Variants in GPM6B observed in about 807,000 individuals in gnomAD.
GPM6B encodes the protein glycoprotein M6B.
Under a neutral mutation model 27.2 loss-of-function variants are expected in GPM6B, and 4 were observed. That is an observed-to-expected ratio of 0.15 (90% CI 0.07 to 0.34). The LOEUF (loss-of-function observed/expected upper bound fraction) is 0.34, where lower values mean the gene tolerates loss of function less well. Among genes scored for constraint, GPM6B ranks in the 10% least tolerant of loss-of-function variants. The probability of loss-of-function intolerance (pLI) is 1.00; values close to 1 mark genes in which losing one functional copy is unlikely to be tolerated. For missense variants in GPM6B, 183 were observed against 261.9 expected, an observed-to-expected ratio of 0.70 and a Z score of 2.08; for synonymous variants, 124 against 103.1, an observed-to-expected ratio of 1.20 and a Z score of -1.23.
chrX:13,839,382 G>T (rs72614522), intron 1 of GPM6B, among the ~76,000 whole-genome samples: 3,288 of 111,631 alleles, frequency 0.029, 60 homozygotes, highest in East Asian at 0.14. Context: ...TTAAAATCAA[G>T]CTATTACCCA....
intron 1 of GPM6B, among the ~76,000 whole-genome samples, chrX:13,900,685 T>A (rs1245061865): frequency 8.9e-6 from 1 of 112,245 alleles, no homozygotes; most frequent in African/African-American, 3.2e-5. Flanking sequence ...ACAGGAGAAC[T>A]ATCTGCCTGC....
At chrX:13,917,043 C>G (rs903939715) in intron 1 of GPM6B, among the ~76,000 whole-genome samples, 5 of 110,620 alleles carry the variant, frequency 4.5e-5, no homozygotes, top group African/African-American at 1.6e-4. Context: ...AAAACCCCAT[C>G]TCTACAAAAA....
chrX:13,814,276 G>A (rs965203974), intron 1 of GPM6B, among the ~76,000 whole-genome samples: 1 of 111,956 alleles, frequency 8.9e-6, no homozygotes, highest in Non-Finnish European at 1.9e-5. Context: ...ATTAGCCATT[G>A]GGCAATAATG....
At chrX:13,848,480 A>C (rs958347781) in intron 1 of GPM6B, among the ~76,000 whole-genome samples, 2 of 112,338 alleles carry the variant, frequency 1.8e-5, no homozygotes, top group African/African-American at 6.5e-5. Flanking sequence ...GTCAGGGTGT[A>C]AGATAGCAGA....
intron 2 of GPM6B, among the ~76,000 whole-genome samples, chrX:13,792,399 G>T (rs185451362): frequency 1.5e-3 from 171 of 111,609 alleles, no homozygotes; most frequent in African/African-American, 5.3e-3. Context: ...TAGACCACTG[G>T]TTCCTAATCC....
intron 1 of GPM6B, among the ~76,000 whole-genome samples, chrX:13,907,028 T>C (rs925523546): frequency 1.2e-4 from 13 of 112,592 alleles, no homozygotes; most frequent in African/African-American, 4.2e-4. Flanking sequence ...AAATAGTCTC[T>C]ATGCTTTTTC....
rs180752248 is a variant in GPM6B, at chrX:13,875,939, T to C, written c.-198+62388A>G. Reference sequence around the variant, plus strand: ...ATGACAAAAATGTCCTAGAACTAGATAGTGATGTTTGTACAACATTGTGAA... The same window carrying C: ...ATGACAAAAATGTCCTAGAACTAGACAGTGATGTTTGTACAACATTGTGAA... On this transcript the variant is annotated intron_variant, in intron 1 of 6. Coordinates refer to the GPM6B transcript ENST00000398361. Among the ~76,000 whole-genome samples, 14 of 112,242 alleles carry C rather than the reference T, an allele frequency of 1.2e-4. 1 individual carries two copies. The East Asian group carries it at 3.6e-3, about 29-fold the overall frequency.
intron 1 of GPM6B, among the ~76,000 whole-genome samples, chrX:13,921,654 C>T (rs1038914406): frequency 1.9e-5 from 2 of 107,039 alleles, no homozygotes; most frequent in Non-Finnish European, 3.9e-5. Flanking sequence ...CAGCTCACTG[C>T]AACCTCCGCC....
intron 1 of GPM6B, among the ~76,000 whole-genome samples, chrX:13,870,578 A>T (rs2049964629): frequency 8.9e-6 from 1 of 111,918 alleles, no homozygotes; most frequent in African/African-American, 3.2e-5. Flanking sequence ...CATTCCAACA[A>T]GGTATGGACT....
intron 1 of GPM6B, among the ~76,000 whole-genome samples, chrX:13,880,014 G>A (rs767836825): frequency 2.7e-5 from 3 of 112,222 alleles, no homozygotes; most frequent in South Asian, 7.4e-4. Flanking sequence ...CCAGAGCATG[G>A]CCATTTGACT....
intron 1 of GPM6B, among the ~76,000 whole-genome samples, chrX:13,832,413 G>T (rs1466051708): frequency 8.9e-6 from 1 of 112,231 alleles, no homozygotes; most frequent in Non-Finnish European, 1.9e-5. Context: ...ACTTTCTGAT[G>T]TTAGCATTCT....
At chrX:13,773,300 CGA>C in intron 7 of GPM6B, 2 of 190,377 alleles carry the variant, frequency 1.1e-5, no homozygotes, top group Non-Finnish European at 1.8e-5. Flanking sequence ...AAATGAAATA[CGA>C]GAGGGTGCTT....
intron 1 of GPM6B, among the ~76,000 whole-genome samples, chrX:13,931,703 A>G (rs1352032455): frequency 9.0e-6 from 1 of 111,134 alleles, no homozygotes; most frequent in Non-Finnish European, 1.9e-5. Context: ...TTTTTGTAAG[A>G]TTCATTTATA....
chrX:13,834,218 C>T (rs2049472249), intron 1 of GPM6B, among the ~76,000 whole-genome samples: 1 of 112,595 alleles, frequency 8.9e-6, no homozygotes, highest in African/African-American at 3.2e-5. Flanking sequence ...CCCACCCAAA[C>T]ATGCTCTTTT....
At chrX:13,928,318 G>A (rs909984726) in intron 1 of GPM6B, among the ~76,000 whole-genome samples, 7 of 112,208 alleles carry the variant, frequency 6.2e-5, no homozygotes, top group South Asian at 7.5e-4. Flanking sequence ...CCCACTTTTC[G>A]TGTACACATA....
rs190840640 is a variant in GPM6B, at chrX:13,849,902, T to C, written c.-197-64094A>G. ...GGTGAAACCTCATCTTTACTAAAAA[T>C]ACAAAAATTAGCCAGGCATGGTGGC... On this transcript the variant is annotated intron_variant, in intron 1 of 6. Coordinates refer to the GPM6B transcript ENST00000398361. 1.7e-3 allele frequency among the ~76,000 whole-genome samples: 192 copies of C among 109,743 alleles called. 1 individual carries two copies. The highest frequency in any genetic ancestry group is 5.8e-3 in the African/African-American group (174 of 30,106).
At chrX:13,864,006 C>A (rs1031759680) in intron 1 of GPM6B, among the ~76,000 whole-genome samples, 2 of 112,017 alleles carry the variant, frequency 1.8e-5, no homozygotes, top group Non-Finnish European at 3.8e-5. Context: ...CAAATAATAG[C>A]AGGCCATGGT....
chrX:13,925,854 A>G (rs1357378570), intron 1 of GPM6B, among the ~76,000 whole-genome samples: 1 of 109,638 alleles, frequency 9.1e-6, no homozygotes, highest in Admixed American at 9.8e-5. Flanking sequence ...GGAGATCGAG[A>G]CCATCCTGGC....
At chrX:13,932,008 A>G (rs1921591393) in intron 1 of GPM6B, among the ~76,000 whole-genome samples, 1 of 112,508 alleles carries the variant, frequency 8.9e-6, no homozygotes, top group Non-Finnish European at 1.9e-5. Context: ...TTATAGTTAG[A>G]CACAAACGAT....
Sources: allele counts gnomAD v4.1 joint callset (sites outside exome capture counted in the v4.1 genomes callset), GRCh38; gene constraint gnomAD v4.1.1; transcripts MANE v1.5; gene names NCBI Gene and HGNC (gene_info 2026-07-23, HGNC 2026-07-21).